The following CADM2 variants were observed in gnomAD, a reference collection of about 807,000 sequenced individuals.
CADM2 encodes the protein cell adhesion molecule 2.
A neutral mutation model predicts 49.8 loss-of-function variants in CADM2; 12 were observed. That is an observed-to-expected ratio of 0.24 (90% confidence interval 0.15 to 0.39). CADM2 has a LOEUF of 0.39. Among genes scored for constraint, CADM2 ranks in the 10% least tolerant of loss-of-function variants. The pLI, the probability that CADM2 is intolerant of heterozygous loss-of-function variation, is 1.00. For synonymous variants in CADM2, 214 were observed against 175.4 expected (o/e 1.22, Z -1.74); for missense variants, 378 against 492.3 (o/e 0.77, Z 2.20).
chr3:85,964,792 T>C (rs1725273317), intron 8 of CADM2, among the ~76,000 whole-genome samples: 1 of 151,806 alleles, frequency 6.6e-6, no homozygotes, highest in African/African-American at 2.4e-5. Context: ...GAAAAATTTA[T>C]CTGTTAAATT....
intron 3 of CADM2, among the ~76,000 whole-genome samples, chr3:85,808,327 G>T (rs775746812): frequency 7.9e-5 from 12 of 152,030 alleles, no homozygotes; most frequent in Non-Finnish European, 1.6e-4. Flanking sequence ...ATAAATCTTA[G>T]CACCTCTGTT....
intron 1 of CADM2, among the ~76,000 whole-genome samples, chr3:84,971,175 A>G (rs897674274): frequency 1.2e-4 from 19 of 152,122 alleles, no homozygotes; most frequent in African/African-American, 4.3e-4. Flanking sequence ...TTTACATGCA[A>G]AAGCATTTCA....
At chr3:85,363,198 A>G (rs983029588) in intron 1 of CADM2, among the ~76,000 whole-genome samples, 3 of 152,296 alleles carry the variant, frequency 2.0e-5, no homozygotes, top group Middle Eastern at 3.4e-3. Flanking sequence ...TCCAAACTTC[A>G]TTCTCCTTGT....
chr3:85,970,836 G>A (rs1221839873), intron 8 of CADM2, among the ~76,000 whole-genome samples: 1 of 151,412 alleles, frequency 6.6e-6, no homozygotes, highest in Non-Finnish European at 1.5e-5. Context: ...TAAATGAGAA[G>A]CGGTATCAAG....
intron 1 of CADM2, among the ~76,000 whole-genome samples, chr3:85,562,965 G>A (rs1332147740): frequency 6.6e-6 from 1 of 152,078 alleles, no homozygotes; most frequent in Non-Finnish European, 1.5e-5. Context: ...TTTTAAATAA[G>A]TTTTCTTGAA....
intron 8 of CADM2, among the ~76,000 whole-genome samples, chr3:85,973,807 T>C (rs557699117): frequency 6.6e-5 from 10 of 151,832 alleles, no homozygotes; most frequent in Non-Finnish European, 1.5e-5. Flanking sequence ...GAAGCATTAT[T>C]GGTCATGGGG....
intron 1 of CADM2, among the ~76,000 whole-genome samples, chr3:85,183,041 T>C (rs915610487): frequency 2.6e-5 from 4 of 152,166 alleles, no homozygotes; most frequent in Non-Finnish European, 5.9e-5. Flanking sequence ...CTAAAAAGTA[T>C]GCTATGCATA....
At chr3:85,370,895 A>T (rs2033179234) in intron 1 of CADM2, among the ~76,000 whole-genome samples, 1 of 152,278 alleles carries the variant, frequency 6.6e-6, no homozygotes, top group African/African-American at 2.4e-5. Flanking sequence ...AACTGGGCTA[A>T]CGTGTGTGTT....
intron 1 of CADM2, among the ~76,000 whole-genome samples, chr3:85,478,496 G>T (rs773444422): frequency 1.3e-5 from 2 of 151,838 alleles, no homozygotes; most frequent in Admixed American, 1.3e-4. Context: ...GTTGGATCAC[G>T]TGGCAATGAG....
At position 85,239,762 on chromosome 3, in the gene CADM2, A is replaced by G. The variant is rs141630363; in HGVS notation, c.61+280094A>G. ...AAAGATACTGAAAATATTTTAAATA[A>G]TTGACTTCTTTAAAAATTATTTTAT... is the stretch of plus-strand genomic sequence containing the variant. On this transcript the variant is annotated intron_variant, in intron 1 of 9. Transcript: ENST00000383699. Among the ~76,000 whole-genome samples the G allele has an allele frequency of 7.0e-3, 1,059 of 151,480 alleles. 6 individuals carry two copies. The highest frequency in any genetic ancestry group is 0.012 in the Non-Finnish European group (831 of 67,508).
intron 1 of CADM2, among the ~76,000 whole-genome samples, chr3:84,968,132 C>T (rs2031151832): frequency 6.6e-6 from 1 of 151,864 alleles, no homozygotes; most frequent in Non-Finnish European, 1.5e-5. Flanking sequence ...ATCATCTATT[C>T]AAGGGCTTTT....
chr3:85,730,074 C>T (rs183667567), intron 2 of CADM2, among the ~76,000 whole-genome samples: 178 of 152,288 alleles, frequency 1.2e-3, no homozygotes, highest in African/African-American at 3.4e-3. Context: ...TAATGGCCCT[C>T]TCATCCAATT....
chr3:85,917,620 C>A (rs1197566700), intron 6 of CADM2, among the ~76,000 whole-genome samples: 1 of 152,106 alleles, frequency 6.6e-6, no homozygotes, highest in Admixed American at 6.6e-5. Flanking sequence ...CAGCTTTGTT[C>A]TTTTGGCTTA....
intron 1 of CADM2, among the ~76,000 whole-genome samples, chr3:85,655,460 C>T (rs1041980470): frequency 3.3e-5 from 5 of 151,748 alleles, no homozygotes; most frequent in South Asian, 2.1e-4. Flanking sequence ...TGCCCAGCCC[C>T]GCTTGGTAAT....
chr3:85,770,095 G>A (rs1245270088), intron 2 of CADM2, among the ~76,000 whole-genome samples: 2 of 152,072 alleles, frequency 1.3e-5, no homozygotes, highest in African/African-American at 4.8e-5. Context: ...AACTCTACGG[G>A]TAACTAACTG....
chr3:85,516,344 T>A (rs17455991), intron 1 of CADM2, among the ~76,000 whole-genome samples: 3 of 151,962 alleles, frequency 2.0e-5, no homozygotes, highest in African/African-American at 7.2e-5. Context: ...TCTGTATTGG[T>A]TCCATGCCAG....
chr3:85,999,274 G>GGT (rs1559791907), intron 8 of CADM2, among the ~76,000 whole-genome samples: 9 of 151,294 alleles, frequency 5.9e-5, no homozygotes, highest in Admixed American at 5.9e-4. Flanking sequence ...CGAGGGTTGG[G>GGT]GGGTGGATCA....
At chr3:85,747,730 T>G (rs1219148333) in intron 2 of CADM2, among the ~76,000 whole-genome samples, 1 of 152,134 alleles carries the variant, frequency 6.6e-6, no homozygotes, top group Admixed American at 6.6e-5. Flanking sequence ...AATTTGGAAA[T>G]TTATGAACAT....
intron 1 of CADM2, among the ~76,000 whole-genome samples, chr3:85,659,502 C>T (rs151031523): frequency 2.0e-4 from 30 of 151,876 alleles, no homozygotes; most frequent in East Asian, 3.9e-4. Context: ...GAAATATACA[C>T]GCTCAGAGAA....
Sources: gnomAD v4.1 joint callset for allele counts (sites outside exome capture counted in the v4.1 genomes callset) on GRCh38, gnomAD v4.1.1 for gene constraint, MANE v1.5 for transcripts, NCBI Gene and HGNC (gene_info 2026-07-23, HGNC 2026-07-21) for gene names.